Variants in SLCO4C1 observed in about 807,000 individuals in gnomAD.
SLCO4C1 encodes the protein organic anion transporter M1.
Under a neutral mutation model 72.1 loss-of-function variants are expected in SLCO4C1, and 58 were observed. The observed-to-expected ratio is 0.80, with a 90% CI of 0.65 to 1.00. SLCO4C1 has a LOEUF of 1.00. Ranked by LOEUF, SLCO4C1 falls within the 50% of genes least tolerant of loss-of-function variation. The probability of loss-of-function intolerance (pLI) is 0.00; values close to 1 mark genes in which losing one functional copy is unlikely to be tolerated. For synonymous variants in SLCO4C1, 297 were observed against 312.5 expected (o/e 0.95, Z 0.52); for missense variants, 898 against 857.9 (o/e 1.05, Z -0.58).
intron 10 of SLCO4C1, among the ~76,000 whole-genome samples, chr5:102,242,495 G>C (rs1480546804): frequency 6.6e-6 from 1 of 152,150 alleles, no homozygotes; most frequent in South Asian, 2.1e-4. Context: ...CTTGCATCTA[G>C]GATACCAACT....
At chr5:102,291,157 C>G (rs750992387) in intron 2 of SLCO4C1, among the ~76,000 whole-genome samples, 186 bp downstream of exon 2, 22 of 152,162 alleles carry the variant, frequency 1.4e-4, no homozygotes, top group Non-Finnish European at 2.8e-4. Flanking sequence ...ACCACTGAAA[C>G]GATGAATAAT....
At chr5:102,290,704 A>G (rs1331081665) in intron 2 of SLCO4C1, among the ~76,000 whole-genome samples, 2 of 152,216 alleles carry the variant, frequency 1.3e-5, no homozygotes, top group East Asian at 3.8e-4. Context: ...AGGACATTAA[A>G]ATGTTAAGGT....
At chr5:102,242,101 A>G (rs529789105) in intron 10 of SLCO4C1, among the ~76,000 whole-genome samples, 14 of 152,272 alleles carry the variant, frequency 9.2e-5, no homozygotes, top group African/African-American at 3.1e-4. Flanking sequence ...CAGAAAGGAA[A>G]ACCAGACCAA....
At chr5:102,293,084 T>G (rs935456128) in intron 1 of SLCO4C1, among the ~76,000 whole-genome samples, 1 of 152,056 alleles carries the variant, frequency 6.6e-6, no homozygotes, top group Admixed American at 6.5e-5. Context: ...AAAAATAAAT[T>G]CAACAAATTT....
chr5:102,269,021 G>A (rs1749098661), intron 3 of SLCO4C1, among the ~76,000 whole-genome samples: 1 of 151,958 alleles, frequency 6.6e-6, no homozygotes, highest in Non-Finnish European at 1.5e-5. Flanking sequence ...GACCTGTAAG[G>A]TTTCTGCTGA....
At chr5:102,285,023 C>G (rs534708634) in intron 2 of SLCO4C1, among the ~76,000 whole-genome samples, 1 of 151,962 alleles carries the variant, frequency 6.6e-6, no homozygotes, top group East Asian at 1.9e-4. Context: ...TCTCTATATC[C>G]ACAGTTAGAA....
At chr5:102,250,541 TAG>T in intron 8 of SLCO4C1, among the ~76,000 whole-genome samples, 1 of 152,092 alleles carries the variant, frequency 6.6e-6, no homozygotes, top group African/African-American at 2.4e-5. Flanking sequence ...AGTTTAGAAG[TAG>T]AGAGGGACTT....
chr5:102,257,886 T>C (rs1421381791), intron 7 of SLCO4C1, 57 bp downstream of exon 7: 6 of 1,483,690 alleles, frequency 4.0e-6, no homozygotes, highest in East Asian at 2.4e-5. Context: ...ACTATCCTCA[T>C]AAAAATTTAA....
intron 10 of SLCO4C1, among the ~76,000 whole-genome samples, chr5:102,246,156 G>T (rs554700118): frequency 2.0e-5 from 3 of 151,792 alleles, no homozygotes; most frequent in African/African-American, 7.2e-5. Flanking sequence ...CCTAAAATTA[G>T]TAGAAGAAAG....
intron 3 of SLCO4C1, among the ~76,000 whole-genome samples, chr5:102,264,550 T>C (rs1320052997): frequency 6.6e-6 from 1 of 152,062 alleles, no homozygotes; most frequent in East Asian, 1.9e-4. Context: ...TCAATACATC[T>C]ATACAATGTG....
At chr5:102,290,347 A>T (rs576136126) in intron 2 of SLCO4C1, among the ~76,000 whole-genome samples, 20 of 152,300 alleles carry the variant, frequency 1.3e-4, no homozygotes, top group Admixed American at 2.6e-4. Context: ...CGCCTAGCTC[A>T]AACTCTCTTT....
At position 102,249,655 on chromosome 5, in the gene SLCO4C1, C is replaced by A. The variant is rs1346767621; in HGVS notation, c.1603G>T (p.Ala535Ser). 1 of 1,613,532 alleles carries A rather than the reference C, an allele frequency of 6.2e-7. No homozygotes were observed. The highest frequency in any genetic ancestry group is 1.3e-5 in the African/African-American group (1 of 74,884). The change falls in exon 9 of 13, where the codon GCA becomes TCA. Residue 535 changes from alanine to serine, a missense_variant. By Grantham distance (99) the Ala-to-Ser change is moderately conservative (BLOSUM62 1). Coordinates refer to ENST00000310954, the MANE Select transcript of SLCO4C1 (RefSeq NM_180991.5). ...TAAGCTACCTTTGGCTTCCTGTGTG[C>A]AACTGGGTTTGAACAGCCTGCAAAG... ...PCFAGCSNPV[A>S]HRKPKVYYNC...
At chr5:102,239,169 T>C in intron 12 of SLCO4C1, 82 bp downstream of exon 12, 1 of 1,286,320 alleles carries the variant, frequency 7.8e-7, no homozygotes, top group Middle Eastern at 2.3e-4. Context: ...AAAATACCTG[T>C]GACCCTAAGT....
intron 2 of SLCO4C1, among the ~76,000 whole-genome samples, chr5:102,287,811 C>T (rs746177459): frequency 4.6e-5 from 7 of 152,012 alleles, no homozygotes; most frequent in Non-Finnish European, 8.8e-5. Context: ...ACCTTGGCCT[C>T]CAAAAGTGCT....
chr5:102,269,728 A>G (rs1037819646), intron 3 of SLCO4C1, among the ~76,000 whole-genome samples: 3 of 151,946 alleles, frequency 2.0e-5, no homozygotes, highest in Non-Finnish European at 4.4e-5. Context: ...TAATTATTGT[A>G]TGTCTTTCAA....
intron 3 of SLCO4C1, among the ~76,000 whole-genome samples, chr5:102,269,513 C>G (rs759668038): frequency 5.3e-5 from 8 of 152,022 alleles, no homozygotes; most frequent in Non-Finnish European, 1.0e-4. Context: ...TTTAATTCAT[C>G]AGTTGCATGA....
Position 102,296,111 on chromosome 5 carries a change from T to C in SLCO4C1, c.152A>G (p.Lys51Arg), listed in dbSNP as rs1288624824. The change falls in exon 1 of 13, where the codon AAG (lysine) becomes AGG (arginine). Residue 51 changes from lysine to arginine, a missense_variant. Physicochemically the swap from Lys to Arg is conservative, Grantham distance 26. Coordinates refer to ENST00000310954, the MANE Select transcript of SLCO4C1 (RefSeq NM_180991.5). Reference sequence around the variant, plus strand: ...TGGTGACTTCTGGGGCTCCTGGGGCTTCTGAAGCTCCTGTGGCTGAGAATT... The same window carrying C: ...TGGTGACTTCTGGGGCTCCTGGGGCCTCTGAAGCTCCTGTGGCTGAGAATT... ...RENSQPQELQ[K>R]PQEPQKSPEP... The C allele has an allele frequency of 6.8e-6, 11 of 1,614,148 alleles. No individual in the cohort carries two copies. Among genetic ancestry groups the C allele is most frequent in the Non-Finnish European group, 9.3e-6 (11 of 1,179,976 alleles).
intron 11 of SLCO4C1, among the ~76,000 whole-genome samples, chr5:102,239,876 T>C (rs1748507311): frequency 6.6e-6 from 1 of 152,064 alleles, no homozygotes; most frequent in South Asian, 2.1e-4. Flanking sequence ...TAATACCATA[T>C]CTAGGAATAT....
Position 102,235,015 on chromosome 5 carries a change from G to A in SLCO4C1, c.*1843C>T, listed in dbSNP as rs1196890049. The A allele has an allele frequency of 6.6e-6, 1 of 152,074 alleles. No individual in the cohort carries two copies. The highest frequency in any genetic ancestry group is 1.5e-5 in the Non-Finnish European group (1 of 68,030). The allele number at this position is 152,074 out of a possible 1,614,324, so 9.4% of individuals were successfully genotyped here. A position where few individuals can be genotyped will look rare whatever the true frequency, so the allele number is the denominator to read the frequency against. ...TGGTGTTTATATCTGTCTGGTTTTA[G>A]CAGGTCTCTCTGATTCCTGACCCAC... is the stretch of plus-strand genomic sequence containing the variant. On this transcript the variant is annotated 3_prime_UTR_variant, in exon 13 of 13. Transcript: ENST00000310954.
Sources: gnomAD v4.1 joint callset for allele counts (sites outside exome capture counted in the v4.1 genomes callset) on GRCh38, gnomAD v4.1.1 for gene constraint, MANE v1.5 for transcripts, NCBI Gene and HGNC (gene_info 2026-07-23, HGNC 2026-07-21) for gene names.